The following NUP155 variants were observed in gnomAD, a reference collection of about 807,000 sequenced individuals.
The protein encoded by NUP155 is nuclear pore complex protein Nup155.
In NUP155, 71 loss-of-function variants were observed where a neutral mutation model predicts 180.4. That is an observed-to-expected ratio of 0.39 (90% CI 0.33 to 0.48). The LOEUF is 0.48. Ranked by LOEUF, NUP155 falls within the 20% of genes least tolerant of loss-of-function variation. The pLI, the probability that NUP155 is intolerant of heterozygous loss-of-function variation, is 0.91. For synonymous variants in NUP155, 582 were observed against 559.5 expected (o/e 1.04, Z -0.57); for missense variants, 1,553 against 1,648.9 (o/e 0.94, Z 1.01).
In NUP155 at chr5:37,307,527, G is replaced by A. The variant is rs1020434484; in HGVS notation, c.2768-95C>T. The A allele has an allele frequency of 6.9e-6, 8 of 1,165,206 alleles. No homozygotes were observed. The African/African-American group carries it at 1.2e-4, about 18-fold the overall frequency. The allele number at this position is 1,165,206 out of a possible 1,614,324, so 72.2% of individuals were successfully genotyped here. On this transcript the variant is annotated intron_variant, in intron 24 of 34. Transcript: ENST00000231498. The stretch of plus-strand genomic sequence containing the variant: ...ACATGAAAATAATGATCAAGGTTAT[G>A]TCTCTACTGTACAATAGTCACCCTG...
intron 14 of NUP155, among the ~76,000 whole-genome samples, chr5:37,330,972 AC>A (rs1300271826): frequency 6.6e-6 from 1 of 151,632 alleles, no homozygotes; most frequent in Non-Finnish European, 1.5e-5. Flanking sequence ...ACATGATGAA[AC>A]CCCATCTCTA....
intron 8 of NUP155, among the ~76,000 whole-genome samples, chr5:37,348,831 C>G (rs897665450): frequency 1.3e-5 from 2 of 151,990 alleles, no homozygotes; most frequent in African/African-American, 4.8e-5. Flanking sequence ...TCTCGGCTCA[C>G]TGCAACCTCC....
At position 37,303,414 on chromosome 5, in the gene NUP155, C is replaced by T. The variant is rs200263549; in HGVS notation, c.3163G>A (p.Val1055Ile). 4 of 1,613,630 alleles carry T rather than the reference C, an allele frequency of 2.5e-6. No individual in the cohort carries two copies. The highest frequency in any genetic ancestry group is 2.7e-5 in the African/African-American group (2 of 75,000). ...TGTGGCTCCAGAAATGGAGAAGCAA[C>T]CTAGAAATTATATAGTTATTCAGAA... is the stretch of plus-strand genomic sequence containing the variant. ...QVDLADKLLQ[V>I]ASPFLEPHLV... Residue 1055 changes from valine (V) to isoleucine (I), a missense_variant and splice_region_variant, in exon 28 of 35, where the codon GTT becomes ATT. By Grantham distance (29) the Val-to-Ile change is conservative (BLOSUM62 3). Transcript: ENST00000231498.
At chr5:37,357,992 C>G (rs1009462548) in intron 4 of NUP155, 89 bp downstream of exon 4, 1 of 942,014 alleles carries the variant, frequency 1.1e-6, no homozygotes, top group South Asian at 1.3e-5. Context: ...GACTCCATCT[C>G]GAAAAAAATG....
intron 31 of NUP155, among the ~76,000 whole-genome samples, 180 bp downstream of exon 31, chr5:37,299,268 G>T (rs1408806775): frequency 2.6e-5 from 4 of 152,024 alleles, no homozygotes; most frequent in African/African-American, 9.7e-5. Flanking sequence ...ATTCACTTGG[G>T]TCATTCTGTG....
intron 23 of NUP155, 130 bp downstream of exon 23, chr5:37,310,422 T>C: frequency 1.5e-6 from 1 of 647,632 alleles, no homozygotes; most frequent in Non-Finnish European, 2.7e-6. Context: ...CTTTCTTAGA[T>C]GAGGATTCTG....
intron 30 of NUP155, chr5:37,301,208 GGAT>G: frequency 2.1e-6 from 1 of 465,656 alleles, no homozygotes; most frequent in Non-Finnish European, 3.9e-6. Flanking sequence ...TCTCATGCGA[GGAT>G]GATAGGTTCT....
chr5:37,359,260 G>A (rs1202344743), intron 3 of NUP155, among the ~76,000 whole-genome samples: 3 of 151,496 alleles, frequency 2.0e-5, no homozygotes, highest in South Asian at 2.1e-4. Flanking sequence ...AAGACCCAGG[G>A]ATCCAGACCT....
At chr5:37,351,069 G>T in intron 6 of NUP155, 121 bp downstream of exon 6, 1 of 829,958 alleles carries the variant, frequency 1.2e-6, no homozygotes, top group African/African-American at 1.7e-5. Flanking sequence ...TCAACTGTAT[G>T]CTTGAATATT....
intron 11 of NUP155, among the ~76,000 whole-genome samples, chr5:37,340,251 G>A (rs1427646816): frequency 1.3e-5 from 2 of 152,058 alleles, no homozygotes; most frequent in African/African-American, 2.4e-5. Context: ...GACGAGCCTA[G>A]GCAACATGGC....
Position 37,299,495 on chromosome 5 carries a change from G to C in NUP155, c.3635C>G (p.Ser1212Ter). 1 of 1,614,032 alleles carries C rather than the reference G, an allele frequency of 6.2e-7. No individual in the cohort carries two copies. Among genetic ancestry groups the C allele is most frequent in the Non-Finnish European group, 8.5e-7 (1 of 1,179,938 alleles). The change falls in exon 31 of 35, where the codon TCA becomes TGA. Residue 1212 changes from serine to a stop codon, truncating the protein, a stop_gained. Transcript: ENST00000231498. LOFTEE classifies it high-confidence loss of function. ...KLAIIHCAGY[S>*]DPILVQTLWQ... Reference sequence around the variant, plus strand: ...AAGTGTCTGCACCAATATAGGGTCTGAATAACCGGCACAATGAATTATTGC... The same window carrying C: ...AAGTGTCTGCACCAATATAGGGTCTCAATAACCGGCACAATGAATTATTGC...
intron 9 of NUP155, among the ~76,000 whole-genome samples, chr5:37,345,585 G>A (rs1453718940): frequency 6.6e-6 from 1 of 151,358 alleles, no homozygotes; most frequent in Non-Finnish European, 1.5e-5. Flanking sequence ...CAACAAAGAG[G>A]CAAAATGTTA....
intron 10 of NUP155, 105 bp downstream of exon 10, chr5:37,342,444 C>T (rs551653107): frequency 1.9e-4 from 137 of 712,214 alleles, no homozygotes; most frequent in East Asian, 1.4e-4. Context: ...TATGGCTTTA[C>T]GGCAGATATA....
At chr5:37,318,709 A>G (rs1744062273) in intron 20 of NUP155, among the ~76,000 whole-genome samples, 1 of 152,192 alleles carries the variant, frequency 6.6e-6, no homozygotes. Context: ...GTATCACAAT[A>G]CATAAAAAAC....
intron 6 of NUP155, 42 bp downstream of exon 6, chr5:37,351,148 C>T: frequency 6.7e-7 from 1 of 1,494,228 alleles, no homozygotes; most frequent in South Asian, 1.1e-5. Flanking sequence ...TTCCCTACTC[C>T]ATCAAGAGAG....
intron 4 of NUP155, among the ~76,000 whole-genome samples, chr5:37,357,718 G>A (rs960718443): frequency 6.6e-6 from 1 of 152,188 alleles, no homozygotes. Flanking sequence ...TGTCAGCCAG[G>A]CGCGGTGGCT....
At chr5:37,364,015 G>A (rs1747384113) in intron 2 of NUP155, 31 bp from the exon 3 acceptor site, 5 of 1,488,724 alleles carry the variant, frequency 3.4e-6, no homozygotes, top group Admixed American at 1.7e-5. Context: ...GGCAGACAGA[G>A]GTGAATCTTA....
chr5:37,326,045 T>A, intron 18 of NUP155, 78 bp from the exon 19 acceptor site: 2 of 997,146 alleles, frequency 2.0e-6, no homozygotes, highest in Non-Finnish European at 3.2e-6. Context: ...TCTAGGAACT[T>A]AATGGCTTTA....
At chr5:37,328,155 T>G (rs1471335957) in intron 17 of NUP155, among the ~76,000 whole-genome samples, 1 of 152,206 alleles carries the variant, frequency 6.6e-6, no homozygotes, top group Admixed American at 6.5e-5. Flanking sequence ...ATAATGGGCT[T>G]TCCAGGCTTA....
Sources: gnomAD v4.1 joint callset for allele counts (sites outside exome capture counted in the v4.1 genomes callset) on GRCh38, gnomAD v4.1.1 for gene constraint, MANE v1.5 for transcripts, NCBI Gene and HGNC (gene_info 2026-07-23, HGNC 2026-07-21) for gene names.